KCNK2: variants seen among roughly 807,000 people sequenced by gnomAD.
KCNK2 encodes the protein potassium channel subfamily K member 2.
In KCNK2, 21 loss-of-function variants were observed where a neutral mutation model predicts 40.5. The observed-to-expected ratio is 0.52, with a 90% CI of 0.37 to 0.75. The LOEUF is 0.75. KCNK2 is among the 30% of genes least tolerant of loss of function. KCNK2 has a pLI of 0.00. For missense variants in KCNK2, 399 were observed against 531.6 expected (o/e 0.75, Z 2.45); for synonymous variants, 191 against 202.2 (o/e 0.94, Z 0.47).
upstream of KCNK2, among the ~76,000 whole-genome samples, chr1:215,080,095 G>A (rs1204918219): frequency 6.6e-6 from 1 of 152,148 alleles, no homozygotes; most frequent in Non-Finnish European, 1.5e-5. Context: ...GCAAAAAGCA[G>A]GGAAGATGGC....
At chr1:215,083,722 GGA>G (rs1237299168) in intron 1 of KCNK2, 1 of 521,024 alleles carries the variant, frequency 1.9e-6, no homozygotes, top group Non-Finnish European at 3.5e-6. Flanking sequence ...TCAGCCCTTG[GGA>G]GTAGCCGGCA....
chr1:215,042,792 A>G (rs560063475), intron 1 of KCNK2, among the ~76,000 whole-genome samples: 5 of 152,208 alleles, frequency 3.3e-5, no homozygotes, highest in African/African-American at 9.6e-5. Context: ...TTATCTTGCC[A>G]TTTCCTAAGT....
rs1156929310 is a variant in KCNK2 at position 215,104,936 on chromosome 1, C to G, written c.357+18258C>G. 2.6e-5 allele frequency among the ~76,000 whole-genome samples: 4 copies of G among 152,100 alleles called. No individual in the cohort carries two copies. In the East Asian group the frequency reaches 7.8e-4, roughly 29 times the overall value. On this transcript the variant is annotated intron_variant, in intron 2 of 6. Transcript: ENST00000444842. ...TCATTTTGTAATATATCATGAACAT[C>G]TATCCATATCTCTAAAATATAGATT...
At chr1:215,204,037 C>CAAAAAAAAAAAAAAAAAAAAAAA (rs71167813) in intron 6 of KCNK2, among the ~76,000 whole-genome samples, 1 of 53,178 alleles carries the variant, frequency 1.9e-5, no homozygotes, top group African/African-American at 1.1e-4. Flanking sequence ...GACTCCGTCT[C>CAAAAAAAAAAAAAAAAAAAAAAA]AAAAAAAAAA....
chr1:215,234,931 A>G lies in KCNK2; in HGVS notation c.1067A>G (p.Gln356Arg). ...AGTGTGGAGATTTATGACAAGTTCC[A>G]GCGGGCCACCTCCATCAAGCGGAAG... ...RLSVEIYDKF[Q>R]RATSIKRKLS... Residue 356 changes from glutamine to arginine, a missense_variant, in exon 7 of 7, where the codon CAG becomes CGG. Physicochemically the swap from Gln to Arg is conservative, Grantham distance 43 (BLOSUM62 1). This residue lies in a region of KCNK2 where 103 missense variants were observed against 124.3 expected (regional missense o/e 0.83). Coordinates refer to ENST00000444842, the MANE Select transcript of KCNK2 (RefSeq NM_001017425.3). The G allele has an allele frequency of 6.2e-7, 1 of 1,614,116 alleles. No homozygotes were observed. The highest frequency in any genetic ancestry group is 8.5e-7 in the Non-Finnish European group (1 of 1,180,018).
chr1:215,177,740 A>ATGTGTATATATATATATATATATATT (rs71167812), intron 5 of KCNK2, among the ~76,000 whole-genome samples: 1 of 101,600 alleles, frequency 9.8e-6, no homozygotes, highest in African/African-American at 3.5e-5. Context: ...ATATATATAT[A>ATGTGTATATATATATATATATATATT]TTTTTTTTTT....
At chr1:215,177,738 A>ATTTTTTTTTTT (rs1232317385) in intron 5 of KCNK2, among the ~76,000 whole-genome samples, 1 of 51,924 alleles carries the variant, frequency 1.9e-5, no homozygotes. Context: ...ATATATATAT[A>ATTTTTTTTTTT]TATTTTTTTT....
chr1:215,175,600 GTACCAAGCTTAGTACCCAA>G (rs1663931562), intron 5 of KCNK2, among the ~76,000 whole-genome samples: 2 of 151,982 alleles, frequency 1.3e-5, no homozygotes, highest in Non-Finnish European at 2.9e-5. Flanking sequence ...CATCACCCAG[GTACCAAGCTTAGTACCCAA>G]TAGTTAGCTT....
chr1:215,183,937 G>C (rs897805535), intron 5 of KCNK2, among the ~76,000 whole-genome samples: 3 of 152,266 alleles, frequency 2.0e-5, no homozygotes, highest in African/African-American at 7.2e-5. Flanking sequence ...GGTTCAACCA[G>C]ACAAAGCCAC....
At chr1:215,040,306 A>G (rs1050136308) in intron 1 of KCNK2, among the ~76,000 whole-genome samples, 13 of 152,120 alleles carry the variant, frequency 8.5e-5, no homozygotes, top group African/African-American at 2.9e-4. Context: ...AAATAATACT[A>G]TTGTTTCCAC....
Position 215,071,327 on chromosome 1 carries a change from A to C in KCNK2, c.35-15041A>C, listed in dbSNP as rs35623050. ...CACATTATCACATAGAGGGGTTTGCAGGGATGATAGATGAGAGTGTCTATA... is the reference window on the plus strand; with the variant it reads ...CACATTATCACATAGAGGGGTTTGCCGGGATGATAGATGAGAGTGTCTATA... On this transcript the variant is annotated intron_variant, in intron 1 of 6. Coordinates refer to the KCNK2 transcript ENST00000391895. Among the ~76,000 whole-genome samples the C allele has an allele frequency of 4.7e-3, 712 of 152,330 alleles. 8 individuals carry two copies. The highest frequency in any genetic ancestry group is 0.019 in the Admixed American group (288 of 15,294).
chr1:215,053,509 G>A (rs1270540508), intron 1 of KCNK2, among the ~76,000 whole-genome samples: 2 of 152,164 alleles, frequency 1.3e-5, no homozygotes, highest in Non-Finnish European at 2.9e-5. Flanking sequence ...GGTGGAAGAT[G>A]TTAAATGTAC....
chr1:215,034,835 C>T (rs1462665466), intron 1 of KCNK2, among the ~76,000 whole-genome samples: 1 of 152,098 alleles, frequency 6.6e-6, no homozygotes, highest in African/African-American at 2.4e-5. Flanking sequence ...CATGTACATA[C>T]ATATCTCTAT....
chr1:215,085,005 A>G (rs898649726), intron 1 of KCNK2, among the ~76,000 whole-genome samples: 1 of 152,178 alleles, frequency 6.6e-6, no homozygotes, highest in African/African-American at 2.4e-5. Context: ...AATTAAAACT[A>G]TGGTAGCCTA....
rs1261828646 is a variant in KCNK2, at chr1:215,007,179, GTGTGGGTA to G, written c.34+1226_34+1233del. Among the ~76,000 whole-genome samples the G allele has an allele frequency of 1.9e-3, 128 of 68,104 alleles. 9 individuals carry two copies. Among genetic ancestry groups the G allele is most frequent in the African/African-American group, 7.9e-3 (108 of 13,736 alleles). The allele number at this position is 68,104 out of a possible 152,430, so 44.7% of individuals were successfully genotyped here. ...TATGTATGTATATATATATGTATGT[GTGTGGGTA>G]TATATATATATATATATATATATAT... On this transcript the variant is annotated intron_variant, in intron 1 of 6. Coordinates refer to the KCNK2 transcript ENST00000391895.
At chr1:215,230,450 G>A (rs1457737387) in intron 6 of KCNK2, among the ~76,000 whole-genome samples, 34 of 138,864 alleles carry the variant, frequency 2.4e-4, no homozygotes, top group Admixed American at 2.4e-3. Flanking sequence ...CCAAAAAATC[G>A]TGTAGCTCAT....
intron 1 of KCNK2, among the ~76,000 whole-genome samples, chr1:215,014,421 C>A (rs1203464742): frequency 1.3e-5 from 2 of 151,248 alleles, no homozygotes; most frequent in Non-Finnish European, 2.9e-5. Context: ...TTGATGGCCT[C>A]AAAAATGTCA....
At chr1:215,182,591 A>G (rs1664270491) in intron 5 of KCNK2, among the ~76,000 whole-genome samples, 1 of 151,950 alleles carries the variant, frequency 6.6e-6, no homozygotes, top group Admixed American at 6.6e-5. Context: ...TCCCCACCCT[A>G]CCCAGGCCTG....
intron 3 of KCNK2, among the ~76,000 whole-genome samples, chr1:215,138,992 C>T (rs1000225877): frequency 6.6e-6 from 1 of 152,154 alleles, no homozygotes; most frequent in African/African-American, 2.4e-5. Flanking sequence ...TATTCTTTCA[C>T]ATGGCAACTT....
Sources: gnomAD v4.1 joint callset for allele counts (sites outside exome capture counted in the v4.1 genomes callset) on GRCh38, gnomAD v4.1.1 for gene constraint, gnomAD v4.1.1 regional missense constraint, MANE v1.5 for transcripts, NCBI Gene and HGNC (gene_info 2026-07-23, HGNC 2026-07-21) for gene names.